The following GALNT13 variants were observed in gnomAD, a reference collection of about 807,000 sequenced individuals.
GALNT13 encodes UDP-GalNAc:polypeptide N-acetylgalactosaminyltransferase 13.
GALNT13 carries 28 observed loss-of-function variants against 64.2 expected under a neutral mutation model. The ratio of observed to expected loss-of-function variants is 0.44; its 90% confidence interval spans 0.32 to 0.60. The LOEUF is 0.60. GALNT13 is among the 20% of genes least tolerant of loss of function. GALNT13 has a pLI of 0.05. For synonymous variants in GALNT13, 214 were observed against 224.6 expected (o/e 0.95, Z 0.42); for missense variants, 577 against 669.8 (o/e 0.86, Z 1.53).
intron 2 of GALNT13, among the ~76,000 whole-genome samples, chr2:153,906,623 A>G (rs1488300840): frequency 6.6e-6 from 1 of 151,304 alleles, no homozygotes; most frequent in East Asian, 1.9e-4. Context: ...TATGTGCCAC[A>G]TTTTCTTAAT....
At chr2:153,915,357 A>T (rs960363746) in intron 2 of GALNT13, among the ~76,000 whole-genome samples, 1 of 152,148 alleles carries the variant, frequency 6.6e-6, no homozygotes, top group Non-Finnish European at 1.5e-5. Flanking sequence ...CTTTCCTCAT[A>T]AAGAAGTTTA....
the GALNT13 span, among the ~76,000 whole-genome samples, chr2:153,112,864 T>C: frequency 6.6e-6 from 1 of 152,102 alleles, no homozygotes; most frequent in African/African-American, 2.4e-5. Context: ...TTTTAATCTA[T>C]ATAAGAAGGC....
At chr2:153,307,642 A>G in the GALNT13 span, among the ~76,000 whole-genome samples, 1 of 152,170 alleles carries the variant, frequency 6.6e-6, no homozygotes, top group Admixed American at 6.5e-5. Context: ...GCTACAATTT[A>G]TATAGAAATT....
the GALNT13 span, among the ~76,000 whole-genome samples, chr2:153,116,000 A>G: frequency 6.6e-6 from 1 of 152,174 alleles, no homozygotes; most frequent in Non-Finnish European, 1.5e-5. Context: ...ATTCATTAAC[A>G]TTTCAGCTGT....
At chr2:153,497,697 C>T in the GALNT13 span, among the ~76,000 whole-genome samples, 1 of 151,738 alleles carries the variant, frequency 6.6e-6, no homozygotes, top group Non-Finnish European at 1.5e-5. Flanking sequence ...ACCATCACGC[C>T]CGGCTACTTT....
In GALNT13 at chr2:154,358,487, T is replaced by C. The variant is rs191822740; in HGVS notation, c.1157-37504T>C. Among the ~76,000 whole-genome samples, 27 of 152,194 alleles carry C rather than the reference T, an allele frequency of 1.8e-4. No individual in the cohort carries two copies. The East Asian group carries it at 3.5e-3, about 20-fold the overall frequency. ...TTTCATATAAAATTTTACAATTCCG[T>C]ATATATTAAAGCACTATCTGGACTC... On this transcript the variant is annotated intron_variant, in intron 9 of 12. Coordinates refer to ENST00000392825, the MANE Select transcript of GALNT13 (RefSeq NM_052917.4).
chr2:154,074,344 G>A (rs1164565475), intron 3 of GALNT13, among the ~76,000 whole-genome samples: 2 of 151,878 alleles, frequency 1.3e-5, no homozygotes, highest in African/African-American at 4.8e-5. Flanking sequence ...CAGTCGACTG[G>A]TATAACATGA....
At chr2:153,844,815 C>T in the GALNT13 span, among the ~76,000 whole-genome samples, 2 of 152,204 alleles carry the variant, frequency 1.3e-5, no homozygotes, top group African/African-American at 4.8e-5. Flanking sequence ...GATATATTTT[C>T]CACCAGGTAC....
the GALNT13 span, among the ~76,000 whole-genome samples, chr2:153,576,817 C>G: frequency 4.0e-5 from 6 of 151,846 alleles, no homozygotes; most frequent in Admixed American, 3.9e-4. Context: ...TCTTTTCTGA[C>G]TCTTGTTCTA....
At chr2:153,261,106 C>A in the GALNT13 span, among the ~76,000 whole-genome samples, 509 of 152,082 alleles carry the variant, frequency 3.3e-3, 1 homozygote, top group Non-Finnish European at 5.2e-3. Context: ...AATTCATCCC[C>A]TGTGTTATCT....
chr2:153,903,768 C>T (rs1457484246), intron 2 of GALNT13, among the ~76,000 whole-genome samples: 1 of 151,876 alleles, frequency 6.6e-6, no homozygotes, highest in Non-Finnish European at 1.5e-5. Flanking sequence ...ATAATTATTA[C>T]TCTTTTAAGC....
At chr2:154,395,844 A>G in intron 9 of GALNT13, 147 bp from the exon 10 acceptor site, 1 of 561,716 alleles carries the variant, frequency 1.8e-6, no homozygotes, top group Non-Finnish European at 3.0e-6. Context: ...ATTCGATGGT[A>G]GTAAAAATCC....
chr2:153,370,130 A>C, the GALNT13 span, among the ~76,000 whole-genome samples: 1 of 152,186 alleles, frequency 6.6e-6, no homozygotes, highest in Admixed American at 6.6e-5. Context: ...GACACTACCA[A>C]AATTCACTCA....
At chr2:153,958,124 G>A (rs570985430) in intron 3 of GALNT13, among the ~76,000 whole-genome samples, 16 of 152,280 alleles carry the variant, frequency 1.1e-4, no homozygotes, top group African/African-American at 3.6e-4. Flanking sequence ...ACTTTCTGGG[G>A]CAGCAAGGGG....
intron 8 of GALNT13, among the ~76,000 whole-genome samples, chr2:154,276,385 A>G (rs146184068): frequency 3.4e-4 from 52 of 151,990 alleles, no homozygotes; most frequent in African/African-American, 1.2e-3. Flanking sequence ...ACATCTGGTT[A>G]ATTTTTGTAT....
At chr2:153,795,769 A>G in the GALNT13 span, among the ~76,000 whole-genome samples, 6 of 152,304 alleles carry the variant, frequency 3.9e-5, no homozygotes, top group South Asian at 2.1e-4. Context: ...TGTGTTTTCA[A>G]TGGCAAAAGA....
chr2:153,985,511 A>G (rs1407036722), intron 3 of GALNT13, among the ~76,000 whole-genome samples: 1 of 151,990 alleles, frequency 6.6e-6, no homozygotes, highest in African/African-American at 2.4e-5. Flanking sequence ...ACTGGAGAGA[A>G]TGGATTTTCA....
chr2:153,639,601 G>A, the GALNT13 span, among the ~76,000 whole-genome samples: 9 of 152,220 alleles, frequency 5.9e-5, no homozygotes, highest in East Asian at 1.7e-3. Flanking sequence ...GTCAAAGGTA[G>A]GATAATGTAG....
chr2:153,756,519 T>C, the GALNT13 span, among the ~76,000 whole-genome samples: 1 of 152,112 alleles, frequency 6.6e-6, no homozygotes, highest in Non-Finnish European at 1.5e-5. Context: ...ATCAGTTCAA[T>C]TGATTGAAAC....
Sources: allele counts gnomAD v4.1 joint callset (sites outside exome capture counted in the v4.1 genomes callset), GRCh38; gene constraint gnomAD v4.1.1; transcripts MANE v1.5; gene names NCBI Gene and HGNC (gene_info 2026-07-23, HGNC 2026-07-21).